RABGEF1: variants seen among roughly 807,000 people sequenced by gnomAD.
RABGEF1 encodes the protein rab5 GDP/GTP exchange factor.
Under a neutral mutation model 57.3 loss-of-function variants are expected in RABGEF1, and 26 were observed. The ratio of observed to expected loss-of-function variants is 0.45; its 90% CI spans 0.33 to 0.63. The LOEUF (loss-of-function observed/expected upper bound fraction) is 0.63. Among genes scored for constraint, RABGEF1 ranks in the 20% least tolerant of loss-of-function variants. The probability of loss-of-function intolerance (pLI) is 0.02; values close to 1 mark genes in which losing one functional copy is unlikely to be tolerated. For synonymous variants in RABGEF1, 185 were observed against 210.7 expected (o/e 0.88, Z 1.06); for missense variants, 464 against 607.6 (o/e 0.76, Z 2.48).
intron 1 of RABGEF1, among the ~76,000 whole-genome samples, chr7:66,757,943 T>C (rs1285831959): frequency 6.6e-6 from 1 of 152,166 alleles, no homozygotes; most frequent in Non-Finnish European, 1.5e-5. Flanking sequence ...TGTCTGTATA[T>C]ATCAGGTTTT....
intron 1 of RABGEF1, among the ~76,000 whole-genome samples, chr7:66,742,273 C>T (rs1372210981): frequency 1.3e-5 from 2 of 152,184 alleles, no homozygotes; most frequent in Non-Finnish European, 1.5e-5. Flanking sequence ...TTAAGAGTCA[C>T]TGATTCATAT....
intron 2 of RABGEF1, among the ~76,000 whole-genome samples, chr7:66,713,221 A>C (rs1308683704): frequency 6.8e-6 from 1 of 148,018 alleles, no homozygotes; most frequent in East Asian, 2.0e-4. Flanking sequence ...AGCTCACCGC[A>C]AGCTCTGCTT....
At chr7:66,696,630 C>T (rs551472934) in intron 1 of RABGEF1, among the ~76,000 whole-genome samples, 32 of 135,718 alleles carry the variant, frequency 2.4e-4, no homozygotes, top group African/African-American at 8.7e-4. Context: ...GTGGAGGTTG[C>T]GGTGAGTCCA....
chr7:66,683,225 G>T (rs1229517550), intron 1 of RABGEF1, among the ~76,000 whole-genome samples: 1 of 152,010 alleles, frequency 6.6e-6, no homozygotes, highest in Non-Finnish European at 1.5e-5. Context: ...CGATCCTCCC[G>T]CCTCGGCCTC....
chr7:66,773,814 T>A (rs1397298170), intron 2 of RABGEF1: 4 of 435,358 alleles, frequency 9.2e-6, no homozygotes, highest in Non-Finnish European at 1.8e-5. Context: ...TACAGAAGTA[T>A]GCCACCATGC....
intron 3 of RABGEF1, among the ~76,000 whole-genome samples, chr7:66,775,610 G>C (rs1361463747): frequency 6.6e-6 from 1 of 152,144 alleles, no homozygotes; most frequent in Non-Finnish European, 1.5e-5. Flanking sequence ...GTTTATAGGA[G>C]GAATCAAGAG....
chr7:66,747,027 C>A (rs1800419755), intron 1 of RABGEF1, among the ~76,000 whole-genome samples: 1 of 151,816 alleles, frequency 6.6e-6, no homozygotes, highest in South Asian at 2.1e-4. Context: ...TTTCTGACCT[C>A]AGGTGATCCA....
intron 1 of RABGEF1, among the ~76,000 whole-genome samples, chr7:66,768,655 CT>C: frequency 6.9e-6 from 1 of 145,584 alleles, no homozygotes; most frequent in Middle Eastern, 3.7e-3. Context: ...GATCTGAGAC[CT>C]GCATAGTGGT....
At chr7:66,791,258 CAGTT>C (rs964516668) in intron 4 of RABGEF1, among the ~76,000 whole-genome samples, 1 of 152,126 alleles carries the variant, frequency 6.6e-6, no homozygotes. Flanking sequence ...GAATTTGACA[CAGTT>C]AGTTTTGCCC....
At chr7:66,797,564 G>T in intron 6 of RABGEF1, 58 bp downstream of exon 6, 1 of 1,553,954 alleles carries the variant, frequency 6.4e-7, no homozygotes, top group Non-Finnish European at 8.7e-7. Context: ...AGAACACACT[G>T]GGGGGAAAAT....
chr7:66,730,508 CTA>C, intron 2 of RABGEF1, among the ~76,000 whole-genome samples: 1 of 151,514 alleles, frequency 6.6e-6, no homozygotes, highest in South Asian at 2.1e-4. Flanking sequence ...GGGGTAGAGT[CTA>C]TGCAGATTAC....
the RABGEF1 span, among the ~76,000 whole-genome samples, chr7:66,671,333 C>T: frequency 3.9e-5 from 6 of 152,222 alleles, no homozygotes; most frequent in African/African-American, 1.4e-4. Context: ...GCATGTGCCA[C>T]CACACCTGGC....
At chr7:66,759,168 G>T (rs186709515) in intron 1 of RABGEF1, among the ~76,000 whole-genome samples, 1 of 152,190 alleles carries the variant, frequency 6.6e-6, no homozygotes, top group Non-Finnish European at 1.5e-5. Context: ...GTCACATCCT[G>T]TGTCAGCAGT....
At chr7:66,705,945 G>C (rs1436465592) in intron 1 of RABGEF1, among the ~76,000 whole-genome samples, 12 of 129,464 alleles carry the variant, frequency 9.3e-5, no homozygotes, top group Non-Finnish European at 1.4e-4. Flanking sequence ...GCCCAGGCCG[G>C]ACTGCGGGCT....
the RABGEF1 span, among the ~76,000 whole-genome samples, chr7:66,671,164 G>GT: frequency 6.6e-6 from 1 of 151,868 alleles, no homozygotes. Flanking sequence ...GGTGTTTTTT[G>GT]TTTTTTCGGG....
chr7:66,697,347 TGCAGAACAC>T (rs1792505649), intron 1 of RABGEF1, among the ~76,000 whole-genome samples: 2 of 152,194 alleles, frequency 1.3e-5, no homozygotes, highest in South Asian at 4.1e-4. Flanking sequence ...ATTTCAGGCC[TGCAGAACAC>T]AGAAAAGTCC....
At chr7:66,677,171 A>G (rs1213043320), upstream of RABGEF1, among the ~76,000 whole-genome samples, 1 of 152,216 alleles carries the variant, frequency 6.6e-6, no homozygotes, top group Non-Finnish European at 1.5e-5. Context: ...TTACCACAAT[A>G]CAAATCTAAT....
upstream of RABGEF1, chr7:66,740,442 G>T (rs1470976360): frequency 6.6e-6 from 1 of 152,272 alleles, no homozygotes; most frequent in Non-Finnish European, 1.5e-5. Context: ...GCTGTTGCGC[G>T]TCGGAAGCCG....
At chr7:66,707,920 A>G (rs4717313) in intron 1 of RABGEF1, among the ~76,000 whole-genome samples, 5,992 of 152,184 alleles carry the variant, frequency 0.039, 164 homozygotes, top group East Asian at 0.085. Context: ...TCTGACATTA[A>G]TATAGCCACT....
Sources: gnomAD v4.1 joint callset for allele counts (sites outside exome capture counted in the v4.1 genomes callset) on GRCh38, gnomAD v4.1.1 for gene constraint, MANE v1.5 for transcripts, NCBI Gene and HGNC (gene_info 2026-07-23, HGNC 2026-07-21) for gene names.